Variants in SLC16A14 observed in about 807,000 individuals in gnomAD.
The protein encoded by SLC16A14 is solute carrier family 16 member 14, also known as monocarboxylate transporter 14.
In SLC16A14, 14 loss-of-function variants were observed where a neutral mutation model predicts 35.8. The ratio of observed to expected loss-of-function variants is 0.39; its 90% CI spans 0.26 to 0.61. The LOEUF (loss-of-function observed/expected upper bound fraction) is 0.61, where lower values mean the gene tolerates loss of function less well. SLC16A14 is among the 20% of genes least tolerant of loss of function. The pLI, the probability that SLC16A14 is intolerant of heterozygous loss-of-function variation, is 0.51. For synonymous variants in SLC16A14, 248 were observed against 258.9 expected (o/e 0.96, Z 0.40); for missense variants, 533 against 655.0 (o/e 0.81, Z 2.03).
chr2:230,040,169 T>C (rs1331434385), intron 4 of SLC16A14, among the ~76,000 whole-genome samples: 1 of 152,126 alleles, frequency 6.6e-6, no homozygotes, highest in African/African-American at 2.4e-5. Context: ...ATATAAAAAA[T>C]GTCTGTTAAG....
At chr2:230,051,068 T>C (rs2077656133) in intron 2 of SLC16A14, among the ~76,000 whole-genome samples, 1 of 152,200 alleles carries the variant, frequency 6.6e-6, no homozygotes, top group Admixed American at 6.5e-5. Flanking sequence ...TCCATTTCCA[T>C]TGTGTAAAAT....
Position 230,046,628 on chromosome 2 carries a change from C to T in SLC16A14, c.498G>A (p.Thr166=), listed in dbSNP as rs138378385. The T allele has an allele frequency of 1.0e-4, 161 of 1,611,662 alleles. No individual in the cohort carries two copies. Among genetic ancestry groups the T allele is most frequent in the Non-Finnish European group, 1.2e-4 (146 of 1,180,050 alleles). ...RRALAQGLST[T]GTGFGTFLMT... ...TTAGGAACGTACCGAATCCGGTCCC[C>T]GTGGTGCTGAGGCCCTGGGCGAGGG... The change falls in exon 4 of 5, where the codon ACG becomes ACA. Residue 166 remains threonine (T), a synonymous_variant. Coordinates refer to ENST00000295190, the MANE Select transcript of SLC16A14 (RefSeq NM_152527.5). The surrounding 1 kb of genome is among the most constrained non-coding windows in gnomAD (Gnocchi z 5.0).
chr2:230,059,785 C>T (rs1053971320), intron 1 of SLC16A14, among the ~76,000 whole-genome samples: 7 of 152,218 alleles, frequency 4.6e-5, no homozygotes, highest in African/African-American at 1.2e-4. Context: ...TGGCTTCAGG[C>T]AGCCTTTCAG....
At chr2:230,064,412 C>T (rs1205171385) in intron 1 of SLC16A14, among the ~76,000 whole-genome samples, 1 of 152,006 alleles carries the variant, frequency 6.6e-6, no homozygotes, top group Admixed American at 6.6e-5. Context: ...CCTTGCTCTC[C>T]AAAGCTTACA....
intron 4 of SLC16A14, among the ~76,000 whole-genome samples, chr2:230,044,706 G>T (rs1295053911): frequency 3.9e-5 from 2 of 51,262 alleles, no homozygotes; most frequent in Non-Finnish European, 5.2e-5. Context: ...GTCTGTATTT[G>T]TGTGTGTGTG....
chr2:230,038,939 T>C lies in SLC16A14; in HGVS notation c.1382-1408A>G, dbSNP rs540657629. On this transcript the variant is annotated intron_variant, in intron 4 of 4. Coordinates refer to ENST00000295190, the MANE Select transcript of SLC16A14 (RefSeq NM_152527.5). The surrounding 1 kb of genome is among the most constrained non-coding windows in gnomAD (Gnocchi z 4.4). Reference sequence around the variant, plus strand: ...AAAATGAAATAAAAAAATAAGATTTTATGATCAAACATAGTATTCCGTGGC... The same window carrying C: ...AAAATGAAATAAAAAAATAAGATTTCATGATCAAACATAGTATTCCGTGGC... Among the ~76,000 whole-genome samples, 1 of 152,030 alleles carries C rather than the reference T, an allele frequency of 6.6e-6. No homozygotes were observed. The highest frequency in any genetic ancestry group is 1.5e-5 in the Non-Finnish European group (1 of 67,992).
intron 1 of SLC16A14, among the ~76,000 whole-genome samples, chr2:230,066,494 CAT>C (rs1157315123): frequency 6.6e-6 from 1 of 151,998 alleles, no homozygotes; most frequent in Non-Finnish European, 1.5e-5. Flanking sequence ...TGGGGGGTAA[CAT>C]ATATAGGCTA....
At chr2:230,055,381 G>A (rs2077696630) in intron 2 of SLC16A14, among the ~76,000 whole-genome samples, 1 of 152,152 alleles carries the variant, frequency 6.6e-6, no homozygotes, top group African/African-American at 2.4e-5. Flanking sequence ...ATAATTTTAG[G>A]TAAATAGATA....
At chr2:230,044,410 G>A (rs553496916) in intron 4 of SLC16A14, among the ~76,000 whole-genome samples, 36 of 151,724 alleles carry the variant, frequency 2.4e-4, no homozygotes, top group Non-Finnish European at 2.6e-4. Flanking sequence ...CTTGGGAGGC[G>A]GAGGTTGCGT....
chr2:230,054,082 G>GA (rs1477887011), intron 2 of SLC16A14, among the ~76,000 whole-genome samples: 9 of 80,928 alleles, frequency 1.1e-4, no homozygotes, highest in Admixed American at 3.8e-4. Context: ...GGTGCAGCCT[G>GA]AGGTGGGGGG....
chr2:230,048,471 A>G (rs2077627306), intron 3 of SLC16A14, among the ~76,000 whole-genome samples: 1 of 152,254 alleles, frequency 6.6e-6, no homozygotes, highest in Admixed American at 6.5e-5. Context: ...GGCTGGGAAT[A>G]TATTTTGCAT....
At chr2:230,060,342 TTTTG>T (rs1452495666) in intron 1 of SLC16A14, among the ~76,000 whole-genome samples, 1 of 152,094 alleles carries the variant, frequency 6.6e-6, no homozygotes, top group Non-Finnish European at 1.5e-5. Context: ...CTAGCTCCTC[TTTTG>T]TTTGTTTGTT....
chr2:230,050,629 T>C (rs934315986), intron 2 of SLC16A14, among the ~76,000 whole-genome samples: 1 of 152,234 alleles, frequency 6.6e-6, no homozygotes, highest in Non-Finnish European at 1.5e-5. Context: ...AAGAAGCAAC[T>C]TGGGGATTTA....
At chr2:230,040,868 C>T (rs760266938) in intron 4 of SLC16A14, among the ~76,000 whole-genome samples, 30 of 152,174 alleles carry the variant, frequency 2.0e-4, no homozygotes, top group Admixed American at 5.2e-4. Flanking sequence ...AGAGACAGGA[C>T]TCTACCAGGA....
At chr2:230,058,821 C>G (rs1410557158) in intron 2 of SLC16A14, among the ~76,000 whole-genome samples, 1 of 152,130 alleles carries the variant, frequency 6.6e-6, no homozygotes, top group African/African-American at 2.4e-5. Context: ...TTAGTAGAGA[C>G]AGGGTTTTGC....
intron 4 of SLC16A14, among the ~76,000 whole-genome samples, chr2:230,044,886 A>G (rs2077591140): frequency 6.6e-6 from 1 of 151,972 alleles, no homozygotes; most frequent in African/African-American, 2.4e-5. Flanking sequence ...GCCAATCTGT[A>G]TTGTTTTAAG....
chr2:230,044,515 T>C (rs1299384762), intron 4 of SLC16A14, among the ~76,000 whole-genome samples: 1 of 149,980 alleles, frequency 6.7e-6, no homozygotes, highest in East Asian at 2.0e-4. Flanking sequence ...GCAGGGAGTC[T>C]GAATCAGAGA....
chr2:230,040,678 A>G (rs918333818), intron 4 of SLC16A14, among the ~76,000 whole-genome samples: 5 of 152,168 alleles, frequency 3.3e-5, no homozygotes, highest in Non-Finnish European at 7.4e-5. Context: ...ACAATTTAAC[A>G]TAGTGCAAAT....
At position 230,049,879 on chromosome 2, in the gene SLC16A14, G is replaced by A. The variant is rs748042067; in HGVS notation, c.285C>T (p.Asn95=). The change falls in exon 3 of 5, where the codon AAC becomes AAT. Residue 95 remains asparagine, a synonymous_variant. Transcript: ENST00000295190. The part of the protein sequence containing the change: ...IVGPFIGLFI[N]TCGCRQTAII... ...TCGCAGTCTGGCGGCACCCACAGGTGTTAATGAACAAGCCGATGAAAGGGC... is the reference window on the plus strand; with the variant it reads ...TCGCAGTCTGGCGGCACCCACAGGTATTAATGAACAAGCCGATGAAAGGGC... 2 of 1,612,670 alleles carry A rather than the reference G, an allele frequency of 1.2e-6. No individual in the cohort carries two copies. Among genetic ancestry groups the A allele is most frequent in the South Asian group, 1.1e-5 (1 of 90,738 alleles).
Sources: allele counts gnomAD v4.1 joint callset (sites outside exome capture counted in the v4.1 genomes callset), GRCh38; gene constraint gnomAD v4.1.1; non-coding constraint Gnocchi (gnomAD v3.1); transcripts MANE v1.5; gene names NCBI Gene and HGNC (gene_info 2026-07-23, HGNC 2026-07-21).